Variants in AMZ1 observed in about 807,000 individuals in gnomAD.
AMZ1 encodes the protein archaelysin family metallopeptidase 1.
A neutral mutation model predicts 29.9 loss-of-function variants in AMZ1; 39 were observed. The observed-to-expected ratio is 1.30, with a 90% CI of 1.01 to 1.70. AMZ1 has a LOEUF of 1.70. AMZ1 is among the 40% of genes most tolerant of loss of function. The pLI is 0.00. For synonymous variants in AMZ1, 458 were observed against 304.0 expected, an observed-to-expected ratio of 1.51 and a Z score of -5.27; for missense variants, 1,041 against 680.6, an observed-to-expected ratio of 1.53 and a Z score of -5.89.
intron 4 of AMZ1, among the ~76,000 whole-genome samples, chr7:2,734,595 G>C (rs1030834480): frequency 3.3e-4 from 50 of 152,254 alleles, no homozygotes; most frequent in African/African-American, 1.2e-3. Flanking sequence ...GCCAGCACCT[G>C]CTCAGTCTAT....
chr7:2,761,108 C>T (rs1791533170), upstream of AMZ1, among the ~76,000 whole-genome samples: 1 of 152,228 alleles, frequency 6.6e-6, no homozygotes, highest in Admixed American at 6.5e-5. Context: ...ACACGTCTGG[C>T]TCTCGGCTGT....
At chr7:2,690,526 A>C (rs886742456) in intron 1 of AMZ1, among the ~76,000 whole-genome samples, 5 of 152,178 alleles carry the variant, frequency 3.3e-5, no homozygotes, top group Non-Finnish European at 5.9e-5. Context: ...CAGCCGGGCT[A>C]GTCTGGAGCT....
chr7:2,721,506 G>T (rs1401437346), downstream of AMZ1, among the ~76,000 whole-genome samples: 1 of 152,124 alleles, frequency 6.6e-6, no homozygotes, highest in Admixed American at 6.6e-5. Context: ...CACGAGGTCA[G>T]GAGATCGAGA....
At chr7:2,724,965 C>T (rs1009664650) in intron 4 of AMZ1, among the ~76,000 whole-genome samples, 11 of 147,092 alleles carry the variant, frequency 7.5e-5, no homozygotes, top group African/African-American at 1.7e-4. Context: ...TGCTTTTCTG[C>T]GCAGAAGCAC....
At chr7:2,709,362 A>G (rs1164889753) in intron 5 of AMZ1, 118 bp downstream of exon 5, 2 of 1,160,338 alleles carry the variant, frequency 1.7e-6, no homozygotes, top group Non-Finnish European at 1.2e-6. Context: ...CCCTAACTCT[A>G]TGGAATGAGG....
At chr7:2,727,801 A>C (rs777452656) in intron 4 of AMZ1, among the ~76,000 whole-genome samples, 5 of 151,830 alleles carry the variant, frequency 3.3e-5, no homozygotes, top group African/African-American at 4.8e-5. Flanking sequence ...TAATCCCAGC[A>C]CTGTGGGAGG....
At position 2,717,111 on chromosome 7, in the gene AMZ1, T is replaced by C. The variant is rs542482635; in HGVS notation, c.*4233T>C. On this transcript the variant is annotated 3_prime_UTR_variant, in exon 7 of 7. Coordinates refer to ENST00000683327, the MANE Select transcript of AMZ1 (RefSeq NM_001384743.1). The stretch of plus-strand genomic sequence containing the variant: ...CGGTTCTGATAACCAGGAGGCTTTC[T>C]GGCCCGTGCAGCTCCTTCGGACTCT... 1.3e-5 allele frequency among the ~76,000 whole-genome samples: 2 copies of C among 152,344 alleles called. No homozygotes were observed. The highest frequency in any genetic ancestry group is 3.9e-4 in the East Asian group (2 of 5,182).
At chr7:2,712,028 C>G (rs1193484729) in intron 6 of AMZ1, among the ~76,000 whole-genome samples, 2 of 149,232 alleles carry the variant, frequency 1.3e-5, no homozygotes, top group African/African-American at 2.5e-5. Context: ...GCCTGGCCAA[C>G]AGAGTGAGCC....
chr7:2,753,909 A>G (rs1410203320), intron 4 of AMZ1, among the ~76,000 whole-genome samples: 1 of 152,034 alleles, frequency 6.6e-6, no homozygotes, highest in African/African-American at 2.4e-5. Flanking sequence ...TGTGGCAGGG[A>G]GAGCTCATGT....
At chr7:2,691,294 G>A (rs1229490535) in intron 1 of AMZ1, among the ~76,000 whole-genome samples, 1 of 148,192 alleles carries the variant, frequency 6.7e-6, no homozygotes, top group Admixed American at 6.6e-5. Context: ...CGTGTGTGAG[G>A]ACTGGAGTCA....
intron 4 of AMZ1, among the ~76,000 whole-genome samples, chr7:2,734,974 C>T (rs55767077): frequency 0.11 from 16,201 of 152,196 alleles, 1,007 homozygotes; most frequent in Middle Eastern, 0.18. Context: ...GCCAAGCCCC[C>T]GTGATGTGGG....
chr7:2,695,753 A>G (rs1047127029), intron 1 of AMZ1, among the ~76,000 whole-genome samples: 2 of 152,000 alleles, frequency 1.3e-5, no homozygotes, highest in East Asian at 3.9e-4. Flanking sequence ...GCTCATGCCT[A>G]TAATCCCAGC....
chr7:2,757,028 T>C (rs1216779551), intron 4 of AMZ1, among the ~76,000 whole-genome samples: 1 of 152,070 alleles, frequency 6.6e-6, no homozygotes, highest in Non-Finnish European at 1.5e-5. Flanking sequence ...GAACCGTGAT[T>C]GTGCCAGTGG....
Position 2,713,961 on chromosome 7 carries a change from T to C in AMZ1, c.*1083T>C, listed in dbSNP as rs1788967075. 1 of 152,218 alleles carries C rather than the reference T, an allele frequency of 6.6e-6. No homozygotes were observed. Among genetic ancestry groups the C allele is most frequent in the African/African-American group, 2.4e-5 (1 of 41,438 alleles). 9.4% of individuals were successfully genotyped at this position (152,218 alleles called of 1,614,324 possible). On this transcript the variant is annotated 3_prime_UTR_variant, in exon 7 of 7. Transcript: ENST00000683327. ...GTCAGTTGCTGAGAGAGGGGTATTA[T>C]TGCCATGGCTGGGCGTTTGATCTGT...
chr7:2,753,303 G>A (rs1304574410), intron 4 of AMZ1, among the ~76,000 whole-genome samples: 2 of 152,132 alleles, frequency 1.3e-5, no homozygotes, highest in Non-Finnish European at 2.9e-5. Context: ...ATAGGTGCAT[G>A]CCACCACGAT....
chr7:2,709,218 G>T lies in AMZ1; in HGVS notation c.745G>T (p.Ala249Ser). Residue 249 changes from alanine (A) to serine (S), a missense_variant, in exon 5 of 7, where the codon GCC becomes TCC. Ala to Ser is a moderately conservative substitution (Grantham distance 99, BLOSUM62 1). Transcript: ENST00000683327. ...QDRGWALCFS[A>S]LGMVQCCKVT... ...CAGGGGCTGGGCCCTGTGCTTCAGT[G>T]CCCTGGGGATGGTTCAGTGCTGCAA... 1.3e-6 allele frequency: 2 copies of T among 1,510,062 alleles called. No homozygotes were observed. Among genetic ancestry groups the T allele is most frequent in the Non-Finnish European group, 1.8e-6 (2 of 1,130,998 alleles). The allele number at this position is 1,510,062 out of a possible 1,614,324, so 93.5% of individuals were successfully genotyped here.
chr7:2,721,958 G>A (rs146848487), downstream of AMZ1, among the ~76,000 whole-genome samples: 405 of 152,318 alleles, frequency 2.7e-3, no homozygotes, highest in African/African-American at 9.3e-3. Flanking sequence ...AACCAAGTCC[G>A]GTCACGGCAT....
rs56701500 is a variant in AMZ1, at chr7:2,759,284, A to G, written n.551-5428A>G. On this transcript the variant is annotated intron_variant and non_coding_transcript_variant, in intron 4 of 4. Transcript: ENST00000489665. ...TACTGTCCTTATTTACATGAAGTTA[A>G]AACACAGGCAAAAGGAAACAAAGCG... Among the ~76,000 whole-genome samples, 1,035 of 152,346 alleles carry G rather than the reference A, an allele frequency of 6.8e-3. 14 individuals are homozygous for G. Among genetic ancestry groups the G allele is most frequent in the African/African-American group, 0.023 (972 of 41,580 alleles).
chr7:2,722,892 T>A (rs978543941), downstream of AMZ1, among the ~76,000 whole-genome samples: 1 of 152,152 alleles, frequency 6.6e-6, no homozygotes, highest in Non-Finnish European at 1.5e-5. Flanking sequence ...GTGGGAGGAC[T>A]GCTTGAGCCC....
Sources: gnomAD v4.1 joint callset for allele counts (sites outside exome capture counted in the v4.1 genomes callset) on GRCh38, gnomAD v4.1.1 for gene constraint, MANE v1.5 for transcripts, NCBI Gene and HGNC (gene_info 2026-07-23, HGNC 2026-07-21) for gene names.